The following SLC48A1 variants were observed in gnomAD, a reference collection of about 807,000 sequenced individuals.
The protein encoded by SLC48A1 is solute carrier family 48 member 1, also known as heme transporter HRG1.
SLC48A1 carries 6 observed loss-of-function variants against 14.8 expected under a neutral mutation model. The ratio of observed to expected loss-of-function variants is 0.41; its 90% confidence interval spans 0.22 to 0.80. SLC48A1 has a LOEUF of 0.80. SLC48A1 is among the 30% of genes least tolerant of loss of function. SLC48A1 has a pLI of 0.34. For synonymous variants in SLC48A1, 89 were observed against 90.0 expected (o/e 0.99, Z 0.06); for missense variants, 165 against 204.8 (o/e 0.81, Z 1.19).
chr12:47,758,764 G>A (rs910516284), intron 1 of SLC48A1: 56 of 1,247,906 alleles, frequency 4.5e-5, no homozygotes, highest in African/African-American at 9.2e-5. Context: ...TGAGTAGAGG[G>A]GTGGGGGCGT....
At chr12:47,759,088 G>A (rs1160120755) in intron 1 of SLC48A1, 5 of 986,078 alleles carry the variant, frequency 5.1e-6, no homozygotes, top group Middle Eastern at 5.1e-4. Flanking sequence ...TCCCCAGGGG[G>A]CAGGAGCGGC....
intron 2 of SLC48A1, 28 bp downstream of exon 2, chr12:47,779,223 C>G (rs569163462): frequency 6.5e-7 from 1 of 1,540,408 alleles, no homozygotes; most frequent in Non-Finnish European, 8.8e-7. Context: ...GGAAAGAGGG[C>G]ATGGGAGGGA....
chr12:47,772,948 G>A (rs1942657105), upstream of SLC48A1, among the ~76,000 whole-genome samples: 1 of 152,128 alleles, frequency 6.6e-6, no homozygotes, highest in Non-Finnish European at 1.5e-5. Context: ...CGTACTCAGA[G>A]GTAAAGATTT....
chr12:47,760,543 C>A, intron 2 of SLC48A1: 1 of 285,734 alleles, frequency 3.5e-6, no homozygotes, highest in Non-Finnish European at 5.2e-6. Context: ...CCTATTCTTG[C>A]TGCCCTTACT....
intron 2 of SLC48A1, among the ~76,000 whole-genome samples, chr12:47,764,755 C>T (rs975947901): frequency 1.3e-5 from 2 of 152,236 alleles, no homozygotes; most frequent in Admixed American, 6.5e-5. Flanking sequence ...ATCAGATCTA[C>T]TGCCCATTTC....
chr12:47,758,940 C>T (rs1490586584), intron 1 of SLC48A1: 6 of 1,028,822 alleles, frequency 5.8e-6, no homozygotes, highest in Non-Finnish European at 7.0e-6. Context: ...TTCCCCTCCC[C>T]AGGACTGGCG....
At chr12:47,759,101 C>G (rs577070520) in intron 1 of SLC48A1, 101 of 985,602 alleles carry the variant, frequency 1.0e-4, no homozygotes, top group Admixed American at 3.7e-4. Context: ...GGAGCGGCCC[C>G]GAAGTGTGTG....
chr12:47,775,426 G>A (rs1942728016), intron 1 of SLC48A1, among the ~76,000 whole-genome samples: 1 of 152,196 alleles, frequency 6.6e-6, no homozygotes, highest in Non-Finnish European at 1.5e-5. Flanking sequence ...TAGGGTCCTG[G>A]TATCTCCCTG....
chr12:47,766,997 C>G (rs1942529122), upstream of SLC48A1, among the ~76,000 whole-genome samples: 1 of 152,164 alleles, frequency 6.6e-6, no homozygotes, highest in Non-Finnish European at 1.5e-5. Flanking sequence ...TTGCAGCCAG[C>G]CACCTGCTGC....
At chr12:47,779,882 G>A (rs960390248) in intron 2 of SLC48A1, among the ~76,000 whole-genome samples, 12 of 152,216 alleles carry the variant, frequency 7.9e-5, no homozygotes, top group African/African-American at 2.9e-4. Context: ...AATGTTTGAC[G>A]ATCTGAGGTG....
At position 47,781,157 on chromosome 12, in the gene SLC48A1, C is replaced by G. The variant is rs1942866384; in HGVS notation, c.*876C>G. The G allele has an allele frequency of 3.1e-6, 1 of 320,162 alleles. No individual in the cohort carries two copies. Among genetic ancestry groups the G allele is most frequent in the Non-Finnish European group, 6.1e-6 (1 of 163,266 alleles). 19.8% of individuals were successfully genotyped at this position (320,162 alleles called of 1,614,324 possible). A position where few individuals can be genotyped will look rare whatever the true frequency, so the allele number is the denominator to read the frequency against. On this transcript the variant is annotated 3_prime_UTR_variant, in exon 3 of 3. Transcript: ENST00000442218. ...AGAGCCAGATAGCCGTGGCCCCCCA[C>G]CCATCTCACTCACACACACAGGCAT...
At chr12:47,764,837 G>A (rs907276602) in intron 2 of SLC48A1, among the ~76,000 whole-genome samples, 1 of 152,132 alleles carries the variant, frequency 6.6e-6, no homozygotes, top group Non-Finnish European at 1.5e-5. Context: ...CCAGCACTTT[G>A]GGAGGCCAAG....
At chr12:47,758,058 G>T, upstream of SLC48A1, 1 of 1,569,524 alleles carries the variant, frequency 6.4e-7, no homozygotes, top group Admixed American at 1.9e-5. Flanking sequence ...CCTGCCAGCA[G>T]CTCTCACCTG....
rs1197457406 is a variant in SLC48A1, at chr12:47,780,323, C to T, written c.*42C>T. The T allele has an allele frequency of 6.2e-7, 1 of 1,614,030 alleles. No homozygotes were observed. The highest frequency in any genetic ancestry group is 8.5e-7 in the Non-Finnish European group (1 of 1,179,918). ...TCTGCACCCTGGGGGGGCCTTAGGA[C>T]CTGGACTCAGCCTCTGAGATGTTGG... On this transcript the variant is annotated 3_prime_UTR_variant, in exon 3 of 3. Coordinates refer to ENST00000442218, the MANE Select transcript of SLC48A1 (RefSeq NM_017842.3).
intron 2 of SLC48A1, among the ~76,000 whole-genome samples, chr12:47,764,728 G>A (rs965983634): frequency 6.6e-6 from 1 of 152,150 alleles, no homozygotes; most frequent in Admixed American, 6.5e-5. Flanking sequence ...AACCGAATAG[G>A]CCAAAGTTTT....
upstream of SLC48A1, chr12:47,768,697 A>T (rs7488942): frequency 0.14 from 21,769 of 152,294 alleles, 1,744 homozygotes; most frequent in Non-Finnish European, 0.18. Flanking sequence ...GAATGTGTAT[A>T]TCTGCGGGGA....
At chr12:47,761,904 G>A (rs779847761) in intron 2 of SLC48A1, among the ~76,000 whole-genome samples, 6 of 152,106 alleles carry the variant, frequency 3.9e-5, no homozygotes, top group Admixed American at 6.6e-5. Context: ...GACACAAAGA[G>A]GTTAAATGAC....
intron 1 of SLC48A1, among the ~76,000 whole-genome samples, chr12:47,776,499 A>G (rs1055489658): frequency 2.0e-5 from 3 of 152,138 alleles, no homozygotes; most frequent in Non-Finnish European, 4.4e-5. Flanking sequence ...CATCTCCTTC[A>G]GTGACCCCCT....
intron 1 of SLC48A1, chr12:47,759,132 G>A: frequency 1.0e-6 from 1 of 982,968 alleles, no homozygotes; most frequent in Non-Finnish European, 1.2e-6. Flanking sequence ...CAACGGCCGG[G>A]GTGTCAGGGA....
Sources: allele counts gnomAD v4.1 joint callset (sites outside exome capture counted in the v4.1 genomes callset), GRCh38; gene constraint gnomAD v4.1.1; transcripts MANE v1.5; gene names NCBI Gene and HGNC (gene_info 2026-07-23, HGNC 2026-07-21).